Variants in CDYL observed in about 807,000 individuals in gnomAD.
CDYL encodes the protein chromodomain Y like.
In CDYL, 8 loss-of-function variants were observed where a neutral mutation model predicts 47.3. The ratio of observed to expected loss-of-function variants is 0.17; its 90% CI spans 0.10 to 0.31. CDYL has a LOEUF of 0.31. CDYL is among the 10% of genes least tolerant of loss of function. CDYL has a pLI of 1.00. For missense variants in CDYL, 471 were observed against 701.4 expected (o/e 0.67, Z 3.71); for synonymous variants, 266 against 265.0 (o/e 1.00, Z -0.04).
intron 1 of CDYL, among the ~76,000 whole-genome samples, chr6:4,810,389 C>T (rs1389791508): frequency 6.6e-6 from 1 of 152,136 alleles, no homozygotes. Context: ...TTTAATGACT[C>T]CCTGTGATTA....
intron 3 of CDYL, among the ~76,000 whole-genome samples, chr6:4,762,645 C>CA (rs1173404314): frequency 0.11 from 4,394 of 38,718 alleles, 150 homozygotes; most frequent in Non-Finnish European, 0.16. Flanking sequence ...TAAAGGGTAC[C>CA]AAAAAAAAAA....
At chr6:4,755,442 T>C (rs1221149228) in intron 3 of CDYL, among the ~76,000 whole-genome samples, 1 of 152,198 alleles carries the variant, frequency 6.6e-6, no homozygotes, top group East Asian at 1.9e-4. Context: ...CAGCATTTCT[T>C]CCTTCATGCT....
At chr6:4,777,806 AG>A (rs1043470153) in intron 1 of CDYL, among the ~76,000 whole-genome samples, 24 of 152,294 alleles carry the variant, frequency 1.6e-4, no homozygotes, top group African/African-American at 5.5e-4. Context: ...CTGTTGGCAT[AG>A]AATAGAGCTT....
intron 1 of CDYL, among the ~76,000 whole-genome samples, chr6:4,837,030 C>T (rs1159342133): frequency 6.6e-6 from 1 of 152,138 alleles, no homozygotes; most frequent in African/African-American, 2.4e-5. Context: ...ACCTGTATAT[C>T]CCCAGTACCT....
intron 1 of CDYL, among the ~76,000 whole-genome samples, chr6:4,867,293 T>C (rs1761350109): frequency 6.6e-6 from 1 of 152,152 alleles, no homozygotes; most frequent in South Asian, 2.1e-4. Context: ...TCATACCATC[T>C]GTGAATAAAG....
At position 4,955,106 on chromosome 6, in the gene CDYL, TTAA is replaced by T. The variant is rs1758828312; in HGVS notation, c.*1052_*1054del. The T allele has an allele frequency of 6.6e-6, 1 of 152,650 alleles. No individual in the cohort carries two copies. Among genetic ancestry groups the T allele is most frequent in the South Asian group, 2.1e-4 (1 of 4,836 alleles). The allele number at this position is 152,650 out of a possible 1,614,324, so 9.5% of individuals were successfully genotyped here. A position where few individuals can be genotyped will look rare whatever the true frequency, so the allele number is the denominator to read the frequency against. On this transcript the variant is annotated 3_prime_UTR_variant, in exon 7 of 7. Coordinates refer to ENST00000397588, the MANE Select transcript of CDYL (RefSeq NM_004824.4). Reference sequence around the variant, plus strand: ...AAAAGAACTACCTTATATTCAACATTTAATGTTCTTGGCCTCTGCTTTTATGTC... The same window carrying T: ...AAAAGAACTACCTTATATTCAACATTTGTTCTTGGCCTCTGCTTTTATGTC...
intron 2 of CDYL, among the ~76,000 whole-genome samples, chr6:4,923,856 G>A (rs1030607288): frequency 1.4e-5 from 2 of 146,684 alleles, no homozygotes; most frequent in Non-Finnish European, 3.0e-5. Flanking sequence ...AGCCGAGGTC[G>A]CGCCACTGCA....
At chr6:4,947,134 G>A (rs1330849649) in intron 5 of CDYL, among the ~76,000 whole-genome samples, 1 of 152,250 alleles carries the variant, frequency 6.6e-6, no homozygotes, top group South Asian at 2.1e-4. Flanking sequence ...CGTGCAGCCC[G>A]TTTCAGGGAA....
chr6:4,807,094 CAT>C (rs990747498), intron 1 of CDYL, among the ~76,000 whole-genome samples: 5 of 152,148 alleles, frequency 3.3e-5, no homozygotes, highest in African/African-American at 1.2e-4. Flanking sequence ...GGACACCAGT[CAT>C]GTTAGATTAG....
intron 1 of CDYL, among the ~76,000 whole-genome samples, chr6:4,814,479 A>G (rs1759615026): frequency 6.6e-6 from 1 of 152,136 alleles, no homozygotes. Flanking sequence ...CACTGTGAGG[A>G]CTTAATATTA....
chr6:4,928,915 G>A (rs1270512881), intron 2 of CDYL, among the ~76,000 whole-genome samples: 1 of 152,098 alleles, frequency 6.6e-6, no homozygotes, highest in South Asian at 2.1e-4. Context: ...TATGAAAGCA[G>A]GGGAGACATT....
intron 2 of CDYL, among the ~76,000 whole-genome samples, chr6:4,928,336 A>T (rs1341213363): frequency 1.3e-5 from 2 of 150,960 alleles, no homozygotes; most frequent in African/African-American, 2.4e-5. Context: ...TGTTTATTCC[A>T]TTTTTTTTAA....
intron 1 of CDYL, among the ~76,000 whole-genome samples, chr6:4,790,016 A>G (rs1275064444): frequency 1.3e-5 from 2 of 152,156 alleles, no homozygotes; most frequent in African/African-American, 4.8e-5. Flanking sequence ...CCTGCTGTAC[A>G]TCATTGAGGA....
chr6:4,885,194 A>G (rs919294686), intron 1 of CDYL, among the ~76,000 whole-genome samples: 21 of 152,184 alleles, frequency 1.4e-4, no homozygotes, highest in African/African-American at 3.9e-4. Context: ...GGGTCTTGCT[A>G]TGTTGTCCAG....
intron 1 of CDYL, among the ~76,000 whole-genome samples, chr6:4,795,524 G>A (rs1026281074): frequency 3.3e-5 from 5 of 152,030 alleles, no homozygotes; most frequent in African/African-American, 1.2e-4. Context: ...GATGGAAGGT[G>A]AACTATTTAT....
intron 1 of CDYL, among the ~76,000 whole-genome samples, chr6:4,834,411 T>A (rs1760233814): frequency 6.7e-6 from 1 of 150,012 alleles, no homozygotes. Context: ...CCCCACTCTC[T>A]TCTGGCTTGT....
At chr6:4,867,101 C>CT (rs1173126428) in intron 1 of CDYL, among the ~76,000 whole-genome samples, 1 of 152,048 alleles carries the variant, frequency 6.6e-6, no homozygotes, top group African/African-American at 2.4e-5. Flanking sequence ...TCACAGATAT[C>CT]TTTTTTTGTT....
At chr6:4,869,955 A>G (rs570898466) in intron 1 of CDYL, among the ~76,000 whole-genome samples, 25 of 152,274 alleles carry the variant, frequency 1.6e-4, no homozygotes, top group Non-Finnish European at 7.4e-5. Flanking sequence ...CTTTCAGCCT[A>G]TAGGACTTTA....
At chr6:4,904,009 A>C (rs1757150005) in intron 2 of CDYL, among the ~76,000 whole-genome samples, 1 of 152,208 alleles carries the variant, frequency 6.6e-6, no homozygotes, top group Non-Finnish European at 1.5e-5. Flanking sequence ...AGAGCCTGGC[A>C]GAATGGATAT....
Sources: gnomAD v4.1 joint callset for allele counts (sites outside exome capture counted in the v4.1 genomes callset) on GRCh38, gnomAD v4.1.1 for gene constraint, MANE v1.5 for transcripts, NCBI Gene and HGNC (gene_info 2026-07-23, HGNC 2026-07-21) for gene names.